Variants in PACRG observed in about 807,000 individuals in gnomAD.
PACRG encodes parkin coregulated.
PACRG carries 29 observed loss-of-function variants against 29.7 expected under a neutral mutation model. That is an observed-to-expected ratio of 0.98 (90% CI 0.73 to 1.33). The LOEUF is 1.33. Ranked by LOEUF, PACRG falls within the 40% of genes most tolerant of loss-of-function variation. The pLI, the probability that PACRG is intolerant of heterozygous loss-of-function variation, is 0.00. For synonymous variants in PACRG, 116 were observed against 118.7 expected (o/e 0.98, Z 0.15); for missense variants, 279 against 316.2 (o/e 0.88, Z 0.89).
At chr6:162,741,835 G>A (rs999576218) in intron 1 of PACRG, among the ~76,000 whole-genome samples, 2 of 152,092 alleles carry the variant, frequency 1.3e-5, no homozygotes, top group African/African-American at 4.8e-5. Flanking sequence ...CTAAATGTGT[G>A]TACCACATTT....
intron 4 of PACRG, among the ~76,000 whole-genome samples, chr6:163,108,431 G>A (rs1475309998): frequency 9.7e-6 from 1 of 103,342 alleles, no homozygotes; most frequent in Non-Finnish European, 1.8e-5. Flanking sequence ...GTGTTGCTCT[G>A]TTGCCCAGGC....
At chr6:162,826,103 C>T (rs535817831) in intron 2 of PACRG, among the ~76,000 whole-genome samples, 144 of 152,000 alleles carry the variant, frequency 9.5e-4, no homozygotes, top group Middle Eastern at 3.4e-3. Context: ...AATGTCAGAC[C>T]AATTCTAATA....
chr6:162,849,221 A>G (rs1399798436), intron 2 of PACRG, among the ~76,000 whole-genome samples: 1 of 152,220 alleles, frequency 6.6e-6, no homozygotes, highest in East Asian at 1.9e-4. Flanking sequence ...ACCCTTTAAG[A>G]CAGTCGTTAA....
chr6:162,940,673 T>C (rs1320899059), intron 2 of PACRG, among the ~76,000 whole-genome samples: 1 of 152,214 alleles, frequency 6.6e-6, no homozygotes, highest in Non-Finnish European at 1.5e-5. Context: ...GCTGCTGCTG[T>C]CAGCAGGCCT....
At chr6:163,181,647 G>A (rs1012360367) in intron 4 of PACRG, among the ~76,000 whole-genome samples, 3 of 146,992 alleles carry the variant, frequency 2.0e-5, no homozygotes, top group Admixed American at 6.8e-5. Context: ...ACACATCTCC[G>A]GCCAACCCTT....
At chr6:163,189,105 G>A (rs969646677) in intron 4 of PACRG, among the ~76,000 whole-genome samples, 43 of 152,174 alleles carry the variant, frequency 2.8e-4, no homozygotes, top group Admixed American at 2.2e-3. Context: ...GAAAGATTTC[G>A]CAAAAACAAA....
intron 4 of PACRG, chr6:163,101,329 A>G (rs1286297446): frequency 1.0e-6 from 1 of 981,960 alleles, no homozygotes; most frequent in East Asian, 1.1e-4. Flanking sequence ...TTTGTGTTTG[A>G]CCTGCATGCT....
At chr6:162,984,337 GA>G (rs778037368) in intron 2 of PACRG, among the ~76,000 whole-genome samples, 29 of 151,972 alleles carry the variant, frequency 1.9e-4, no homozygotes, top group Non-Finnish European at 3.8e-4. Context: ...AGGTTGCAGT[GA>G]ATGCCATTAT....
intron 4 of PACRG, among the ~76,000 whole-genome samples, chr6:163,135,245 G>C (rs957842281): frequency 6.6e-6 from 1 of 150,976 alleles, no homozygotes; most frequent in Non-Finnish European, 1.5e-5. Flanking sequence ...CTGGAGTACA[G>C]TGGCACAATC....
chr6:163,182,966 G>A (rs1246632388), intron 4 of PACRG: 1 of 152,210 alleles, frequency 6.6e-6, no homozygotes, highest in Non-Finnish European at 1.5e-5. Flanking sequence ...GAAGCGTCAT[G>A]AAACATTTCT....
At chr6:163,038,117 A>G (rs185893583) in intron 2 of PACRG, among the ~76,000 whole-genome samples, 3 of 152,312 alleles carry the variant, frequency 2.0e-5, no homozygotes, top group Non-Finnish European at 2.9e-5. Context: ...GAGGAGACTG[A>G]GGTGAGTTGC....
In PACRG at chr6:163,269,782, CAGAA is replaced by C. The variant is rs1396057292; in HGVS notation, c.614-45034_614-45031del. ...AGAGAGAGACAGACAGACAGACAGA[CAGAA>C]AGAAAGAAAGGAAGGAAGGAAGGAA... On this transcript the variant is annotated intron_variant, in intron 4 of 4. Transcript: ENST00000366888. Among the ~76,000 whole-genome samples the C allele has an allele frequency of 4.2e-4, 30 of 70,702 alleles. 3 individuals carry two copies. Among genetic ancestry groups the C allele is most frequent in the South Asian group, 8.8e-4 (2 of 2,272 alleles). 46.4% of individuals were successfully genotyped at this position (70,702 alleles called of 152,430 possible). A position where few individuals can be genotyped will look rare whatever the true frequency, so the allele number is the denominator to read the frequency against.
intron 2 of PACRG, among the ~76,000 whole-genome samples, chr6:162,943,036 C>T (rs1477087346): frequency 6.6e-6 from 1 of 152,132 alleles, no homozygotes; most frequent in Non-Finnish European, 1.5e-5. Flanking sequence ...AGTGAGAGAC[C>T]CCCAGCTGAC....
chr6:162,851,797 ATG>A (rs1286425872), intron 2 of PACRG, among the ~76,000 whole-genome samples: 7 of 152,204 alleles, frequency 4.6e-5, no homozygotes, highest in Non-Finnish European at 7.4e-5. Context: ...TCCCATAACC[ATG>A]TGTCCAAGAA....
chr6:162,957,052 C>A (rs73607813), intron 2 of PACRG, among the ~76,000 whole-genome samples: 2,158 of 150,994 alleles, frequency 0.014, 52 homozygotes, highest in African/African-American at 0.05. Flanking sequence ...AAAAAAAAAA[C>A]CAAGCAAACA....
chr6:162,862,304 T>C (rs1386610450), intron 2 of PACRG, among the ~76,000 whole-genome samples: 1 of 152,188 alleles, frequency 6.6e-6, no homozygotes, highest in Non-Finnish European at 1.5e-5. Context: ...TTCTGTCATG[T>C]CATTACACTG....
intron 3 of PACRG, among the ~76,000 whole-genome samples, chr6:163,084,862 T>C (rs1813407616): frequency 6.8e-6 from 1 of 146,948 alleles, no homozygotes; most frequent in South Asian, 2.1e-4. Context: ...ATATATATAA[T>C]ATATATATTA....
chr6:163,204,472 T>C (rs992146226), intron 4 of PACRG, among the ~76,000 whole-genome samples: 3 of 152,204 alleles, frequency 2.0e-5, no homozygotes, highest in Non-Finnish European at 2.9e-5. Context: ...GAAACACCCA[T>C]CCCATCTGTT....
chr6:163,039,186 C>G (rs1379685986), intron 2 of PACRG, among the ~76,000 whole-genome samples: 1 of 152,104 alleles, frequency 6.6e-6, no homozygotes, highest in Non-Finnish European at 1.5e-5. Flanking sequence ...TTCCCCTGCA[C>G]TCTCTCTCTC....
Sources: gnomAD v4.1 joint callset for allele counts (sites outside exome capture counted in the v4.1 genomes callset) on GRCh38, gnomAD v4.1.1 for gene constraint, MANE v1.5 for transcripts, NCBI Gene and HGNC (gene_info 2026-07-23, HGNC 2026-07-21) for gene names.